CEP70: variants seen among roughly 807,000 people sequenced by gnomAD.
CEP70 encodes centrosomal protein of 70 kDa.
CEP70 carries 70 observed loss-of-function variants against 90.9 expected under a neutral mutation model. The observed-to-expected ratio is 0.77, with a 90% CI of 0.64 to 0.94. The LOEUF (loss-of-function observed/expected upper bound fraction) is 0.94. Ranked by LOEUF, CEP70 falls within the 40% of genes least tolerant of loss-of-function variation. The pLI is 0.00. For synonymous variants in CEP70, 220 were observed against 228.3 expected (o/e 0.96, Z 0.33); for missense variants, 648 against 669.0 (o/e 0.97, Z 0.35).
intron 11 of CEP70, among the ~76,000 whole-genome samples, chr3:138,519,916 GTGTGC>G (rs762629838): frequency 5.3e-5 from 8 of 152,168 alleles, no homozygotes; most frequent in Non-Finnish European, 1.2e-4. Context: ...AGACCCATCA[GTGTGC>G]TGTATTCAGG....
Position 138,553,379 on chromosome 3 carries a change from C to A in CEP70, c.466-16032G>T, listed in dbSNP as rs149400793. On this transcript the variant is annotated intron_variant, in intron 6 of 17. Transcript: ENST00000264982. ...CCTATAGTCCCAGCTACTTGGGAGG[C>A]TGAGGCAGGAGAATGGTGTGAACCC... Among the ~76,000 whole-genome samples the A allele has an allele frequency of 4.6e-5, 7 of 151,968 alleles. No homozygotes were observed. In the East Asian group the frequency reaches 1.4e-3, roughly 30 times the overall value.
At chr3:138,577,200 T>TG (rs1474320864) in intron 2 of CEP70, among the ~76,000 whole-genome samples, 1 of 148,676 alleles carries the variant, frequency 6.7e-6, no homozygotes, top group Admixed American at 6.7e-5. Flanking sequence ...TGTCGTGGGG[T>TG]GGGGGGATGG....
intron 6 of CEP70, among the ~76,000 whole-genome samples, chr3:138,558,348 G>C (rs898493082): frequency 6.6e-6 from 1 of 152,168 alleles, no homozygotes; most frequent in African/African-American, 2.4e-5. Flanking sequence ...CTGAGAGACA[G>C]AGCAAGACTC....
chr3:138,536,961 T>C (rs2038317300), intron 7 of CEP70: 1 of 327,280 alleles, frequency 3.1e-6, no homozygotes, highest in Non-Finnish European at 5.4e-6. Flanking sequence ...GTGTTATTTT[T>C]AGTAAATGTT....
chr3:138,582,922 A>G (rs981204939), intron 2 of CEP70, among the ~76,000 whole-genome samples: 1 of 152,234 alleles, frequency 6.6e-6, no homozygotes, highest in Middle Eastern at 3.4e-3. Context: ...CTTCACTAAA[A>G]AAAGATAGGA....
At chr3:138,571,405 A>C in intron 3 of CEP70, 49 bp from the exon 4 acceptor site, 1 of 1,226,876 alleles carries the variant, frequency 8.2e-7, no homozygotes, top group South Asian at 1.3e-5. Flanking sequence ...TATAAAGTGA[A>C]GAAATTCTCT....
intron 13 of CEP70, among the ~76,000 whole-genome samples, chr3:138,504,477 T>C (rs2034801407): frequency 6.6e-6 from 1 of 152,238 alleles, no homozygotes. Flanking sequence ...ATGGAGCTTA[T>C]ACATTCTTAA....
At chr3:138,498,236 C>T (rs1328864955) in intron 16 of CEP70, 126 bp from the exon 17 acceptor site, 5 of 624,382 alleles carry the variant, frequency 8.0e-6, no homozygotes, top group Admixed American at 3.5e-5. Context: ...TGATCATTTA[C>T]TACAGTCTTT....
At chr3:138,517,451 CGA>C (rs2036139364) in intron 11 of CEP70, among the ~76,000 whole-genome samples, 1 of 148,466 alleles carries the variant, frequency 6.7e-6, no homozygotes, top group African/African-American at 2.5e-5. Context: ...GGGTGGATCA[CGA>C]GGTCAGGAGA....
chr3:138,572,820 T>C lies in CEP70; in HGVS notation c.69+39A>G, dbSNP rs1290763907. ...TGTAGATGTAGCATTCTTTGGCACA[T>C]ATTTTGAGAAGCAGTGTCTTAAAAT... On this transcript the variant is annotated intron_variant, in intron 3 of 17. Coordinates refer to ENST00000264982, the MANE Select transcript of CEP70 (RefSeq NM_024491.4). 15 of 1,262,044 alleles carry C rather than the reference T, an allele frequency of 1.2e-5. No homozygotes were observed. In the South Asian group the frequency reaches 1.6e-4, roughly 13 times the overall value. 78.2% of individuals were successfully genotyped at this position (1,262,044 alleles called of 1,614,324 possible). A position where few individuals can be genotyped will look rare whatever the true frequency, so the allele number is the denominator to read the frequency against.
At chr3:138,526,324 C>A (rs891903324) in intron 10 of CEP70, among the ~76,000 whole-genome samples, 10 of 151,706 alleles carry the variant, frequency 6.6e-5, no homozygotes, top group Non-Finnish European at 1.3e-4. Flanking sequence ...CCACACCGGG[C>A]TGATTTTTGT....
intron 12 of CEP70, 59 bp from the exon 13 acceptor site, chr3:138,505,524 T>A: frequency 5.0e-6 from 6 of 1,189,178 alleles, no homozygotes; most frequent in Non-Finnish European, 6.8e-6. Context: ...CAAAGTTATA[T>A]ATTTTAAAGG....
intron 7 of CEP70, among the ~76,000 whole-genome samples, chr3:138,533,639 T>A (rs1035056370): frequency 2.0e-5 from 3 of 152,136 alleles, no homozygotes; most frequent in African/African-American, 7.2e-5. Flanking sequence ...CCAACAGCAC[T>A]CATTTTGAGA....
rs1344592342 is a variant in CEP70, at chr3:138,529,271, A to T, written c.797T>A (p.Leu266His). 1.2e-6 allele frequency: 2 copies of T among 1,606,894 alleles called. No individual in the cohort carries two copies. The highest frequency in any genetic ancestry group is 2.7e-5 in the African/African-American group (2 of 74,538). The change falls in exon 10 of 18, where the codon CTC (leucine) becomes CAC (histidine). Residue 266 changes from leucine (L) to histidine (H), a missense_variant. Physicochemically the swap from Leu to His is moderately conservative, Grantham distance 99. Transcript: ENST00000264982. ...KGLLMSLQNQ[L>H]KESKSKIDAL... ...ATCAATCTTAGATTTTGATTCCTTG[A>T]GTTGATTCTGTAATGACTGCAACAC... is the stretch of plus-strand genomic sequence containing the variant.
intron 17 of CEP70, among the ~76,000 whole-genome samples, chr3:138,495,334 C>T (rs965143252): frequency 6.6e-6 from 1 of 152,172 alleles, no homozygotes; most frequent in African/African-American, 2.4e-5. Context: ...ACTTCATTAG[C>T]AGCATGTCCT....
At chr3:138,521,873 A>G (rs2036689903) in intron 11 of CEP70, among the ~76,000 whole-genome samples, 2 of 152,204 alleles carry the variant, frequency 1.3e-5, no homozygotes, top group African/African-American at 2.4e-5. Context: ...AGAAAGAAAG[A>G]TCAGATTGTT....
At position 138,500,570 on chromosome 3, in the gene CEP70, G is replaced by A; in HGVS notation, c.1369-3C>T. 1 of 1,573,148 alleles carries A rather than the reference G, an allele frequency of 6.4e-7. No homozygotes were observed. The highest frequency in any genetic ancestry group is 8.6e-7 in the Non-Finnish European group (1 of 1,168,766). On this transcript the variant is annotated splice_region_variant and splice_polypyrimidine_tract_variant and intron_variant, in intron 14 of 17. Transcript: ENST00000264982. ...TGAAAGTGTGGCATATTGCTGTCCT[G>A]TCCAAAAAAGAGGTAAAAAAGAAAG...
intron 12 of CEP70, 151 bp from the exon 13 acceptor site, chr3:138,505,616 A>G (rs2034915611): frequency 2.2e-6 from 1 of 465,110 alleles, no homozygotes; most frequent in Non-Finnish European, 3.5e-6. Context: ...TGGCTCATGC[A>G]ATTATGAAGA....
Position 138,557,814 on chromosome 3 carries a change from T to TA in CEP70, c.465+12503dup, listed in dbSNP as rs551473444. On this transcript the variant is annotated intron_variant, in intron 6 of 17. Transcript: ENST00000264982. ...AAAGCCTATGGAAATAAAAAATTTTTAAAAAAGAAATAAGACATAACAGAT... is the reference window on the plus strand; with the variant it reads ...AAAGCCTATGGAAATAAAAAATTTTTAAAAAAAGAAATAAGACATAACAGAT... Among the ~76,000 whole-genome samples the TA allele has an allele frequency of 2.6e-3, 393 of 152,162 alleles. 1 individual carries two copies. Among genetic ancestry groups the TA allele is most frequent in the Middle Eastern group, 0.02 (6 of 294 alleles).
Sources: gnomAD v4.1 joint callset for allele counts (sites outside exome capture counted in the v4.1 genomes callset) on GRCh38, gnomAD v4.1.1 for gene constraint, MANE v1.5 for transcripts, NCBI Gene and HGNC (gene_info 2026-07-23, HGNC 2026-07-21) for gene names.